Variants in SHISA5 observed in about 807,000 individuals in gnomAD.
The protein encoded by SHISA5 is shisa family member 5, also known as protein shisa-5.
A neutral mutation model predicts 27.5 loss-of-function variants in SHISA5; 21 were observed. That is an observed-to-expected ratio of 0.76 (90% CI 0.54 to 1.10). SHISA5 has a LOEUF of 1.10. Among genes scored for constraint, SHISA5 ranks in the 50% least tolerant of loss-of-function variants. SHISA5 has a pLI of 0.00. For synonymous variants in SHISA5, 137 were observed against 142.2 expected, an observed-to-expected ratio of 0.96 and a Z score of 0.26; for missense variants, 314 against 336.3, an observed-to-expected ratio of 0.93 and a Z score of 0.52.
intron 3 of SHISA5, among the ~76,000 whole-genome samples, chr3:48,475,244 G>C (rs1434979463): frequency 6.6e-6 from 1 of 152,152 alleles, no homozygotes; most frequent in Non-Finnish European, 1.5e-5. Context: ...GTTGCAGAGC[G>C]GGGCTAGGGT....
rs554232121 is a variant in SHISA5, at chr3:48,501,754, T to A, written c.77-461A>T. ...ATCTCCTGCCTTTCAACTCTACTCA[T>A]CCTTCAAGGCCCTACTCCAGGTGGC... On this transcript the variant is annotated intron_variant, in intron 1 of 5. Coordinates refer to ENST00000296444, the MANE Select transcript of SHISA5 (RefSeq NM_016479.6). Among the ~76,000 whole-genome samples the A allele has an allele frequency of 5.3e-5, 8 of 151,978 alleles. No homozygotes were observed. The South Asian group carries it at 1.7e-3, about 32-fold the overall frequency.
chr3:48,503,629 A>C, intron 1 of SHISA5: 1 of 889,000 alleles, frequency 1.1e-6, no homozygotes, highest in Non-Finnish European at 1.4e-6. Flanking sequence ...GCTCCCAGAC[A>C]TTAAACAGAG....
At position 48,484,496 on chromosome 3, in the gene SHISA5, G is replaced by A. The variant is rs573646349; in HGVS notation, c.234-5239C>T. On this transcript the variant is annotated intron_variant, in intron 2 of 5. Transcript: ENST00000296444. The stretch of plus-strand genomic sequence containing the variant: ...CTGTAATTCCAGCTACTCAGGAGGC[G>A]GAGACAGGAGAATTGCTTGAACCCA... Among the ~76,000 whole-genome samples, 8 of 150,880 alleles carry A rather than the reference G, an allele frequency of 5.3e-5. 1 individual carries two copies. Among genetic ancestry groups the A allele is most frequent in the African/African-American group, 1.7e-4 (7 of 41,058 alleles).
chr3:48,503,945 T>C, intron 1 of SHISA5, 74 bp downstream of exon 1: 1 of 1,412,142 alleles, frequency 7.1e-7, no homozygotes, highest in Non-Finnish European at 9.3e-7. Context: ...GCTGCCCGGC[T>C]CGTTGGAGAG....
At chr3:48,481,708 A>T (rs1226103363) in intron 2 of SHISA5, among the ~76,000 whole-genome samples, 2 of 151,642 alleles carry the variant, frequency 1.3e-5, no homozygotes, top group Admixed American at 1.3e-4. Context: ...AATTGTTTGA[A>T]CCTGGGAGGT....
intron 1 of SHISA5, chr3:48,503,072 G>A: frequency 1.6e-6 from 2 of 1,282,274 alleles, no homozygotes; most frequent in South Asian, 1.2e-5. Context: ...CCATTGACAA[G>A]CCCAGTTTGG....
chr3:48,496,792 A>G (rs2041567477), intron 2 of SHISA5, among the ~76,000 whole-genome samples: 2 of 151,966 alleles, frequency 1.3e-5, no homozygotes, highest in Non-Finnish European at 2.9e-5. Context: ...AAAAAAAACA[A>G]AGGAAAAAAT....
intron 1 of SHISA5, 101 bp from the exon 2 acceptor site, chr3:48,501,394 CAT>C (rs2041751089): frequency 3.1e-6 from 4 of 1,283,772 alleles, no homozygotes; most frequent in South Asian, 2.7e-5. Context: ...CACACACACA[CAT>C]GCTGCACCGT....
At chr3:48,488,241 C>CTTTTT (rs1207569528) in intron 2 of SHISA5, among the ~76,000 whole-genome samples, 30 of 111,836 alleles carry the variant, frequency 2.7e-4, no homozygotes, top group Non-Finnish European at 3.2e-4. Context: ...CTCTTGACTG[C>CTTTTT]TTTTTTTTTT....
chr3:48,503,173 A>G (rs1418793728), intron 1 of SHISA5: 4 of 1,289,664 alleles, frequency 3.1e-6, no homozygotes, highest in Middle Eastern at 4.2e-4. Flanking sequence ...TCACAGCCCA[A>G]TCTGAGCCTC....
chr3:48,482,855 G>A (rs941323786), intron 2 of SHISA5, among the ~76,000 whole-genome samples: 32 of 151,962 alleles, frequency 2.1e-4, no homozygotes, highest in African/African-American at 6.5e-4. Context: ...GGCTGGACTC[G>A]AACTCCTGAC....
chr3:48,487,941 C>A (rs538685717), intron 2 of SHISA5, among the ~76,000 whole-genome samples: 4 of 152,138 alleles, frequency 2.6e-5, no homozygotes, highest in Non-Finnish European at 1.5e-5. Flanking sequence ...AAGAAGTACC[C>A]ATGGGGGATA....
chr3:48,472,965 G>A (rs1423021513), intron 3 of SHISA5: 1 of 1,506,152 alleles, frequency 6.6e-7, no homozygotes, highest in Non-Finnish European at 8.9e-7. Flanking sequence ...AGATCTCTCA[G>A]TGTTTGTCTC....
At chr3:48,471,129 G>C (rs1453951227) in intron 3 of SHISA5, among the ~76,000 whole-genome samples, 1 of 152,040 alleles carries the variant, frequency 6.6e-6, no homozygotes, top group African/African-American at 2.4e-5. Context: ...CCAGGCTCAA[G>C]TGATTCTCCC....
intron 2 of SHISA5, among the ~76,000 whole-genome samples, chr3:48,479,871 G>A (rs756846318): frequency 3.6e-4 from 54 of 149,964 alleles, no homozygotes; most frequent in Non-Finnish European, 6.5e-4. Context: ...GATTACAGGC[G>A]TTAGCCACCA....
chr3:48,472,923 A>T (rs985493149), intron 3 of SHISA5: 2 of 1,314,946 alleles, frequency 1.5e-6, no homozygotes, highest in African/African-American at 2.9e-5. Flanking sequence ...CATCAATGAC[A>T]TGCGACCGCA....
At position 48,503,942 on chromosome 3, in the gene SHISA5, G is replaced by A. The variant is rs1376725680; in HGVS notation, c.76+77C>T. 4 of 1,408,124 alleles carry A rather than the reference G, an allele frequency of 2.8e-6. No individual in the cohort carries two copies. The African/African-American group carries it at 6.0e-5, about 21-fold the overall frequency. The allele number at this position is 1,408,124 out of a possible 1,614,324, so 87.2% of individuals were successfully genotyped here. A position where few individuals can be genotyped will look rare whatever the true frequency, so the allele number is the denominator to read the frequency against. ...GGGCATAGTGGGGCTGGTGCTGCCC[G>A]GCTCGTTGGAGAGGCAGCGCGGGGA... On this transcript the variant is annotated intron_variant, in intron 1 of 5. Transcript: ENST00000296444.
chr3:48,481,938 G>A (rs6442125), intron 2 of SHISA5, among the ~76,000 whole-genome samples: 3,834 of 150,814 alleles, frequency 0.025, 186 homozygotes, highest in African/African-American at 0.088. Flanking sequence ...GCGTGGTGGC[G>A]GGCACCTGTA....
chr3:48,502,835 G>C (rs1342134401), intron 1 of SHISA5, among the ~76,000 whole-genome samples: 1 of 152,240 alleles, frequency 6.6e-6, no homozygotes, highest in Non-Finnish European at 1.5e-5. Context: ...GTGGCCTCTG[G>C]AGACCCAGCC....
Sources: gnomAD v4.1 joint callset for allele counts (sites outside exome capture counted in the v4.1 genomes callset) on GRCh38, gnomAD v4.1.1 for gene constraint, MANE v1.5 for transcripts, NCBI Gene and HGNC (gene_info 2026-07-23, HGNC 2026-07-21) for gene names.